Variants in KCNH2 observed in about 807,000 individuals in gnomAD.
KCNH2 encodes potassium voltage-gated channel subfamily H member 2.
KCNH2 carries 35 observed loss-of-function variants against 95.9 expected under a neutral mutation model. The ratio of observed to expected loss-of-function variants is 0.37; its 90% CI spans 0.28 to 0.48. The LOEUF is 0.48. KCNH2 is among the 20% of genes least tolerant of loss of function. The pLI is 0.99. For synonymous variants in KCNH2, 786 were observed against 754.7 expected (o/e 1.04, Z -0.68); for missense variants, 1,274 against 1,702.9 (o/e 0.75, Z 4.43).
intron 1 of KCNH2, among the ~76,000 whole-genome samples, chr7:150,976,735 C>T (rs542889918): frequency 6.6e-6 from 1 of 151,330 alleles, no homozygotes. Flanking sequence ...CCAGCACCCC[C>T]CCCCACATCC....
At position 150,971,948 on chromosome 7, in the gene KCNH2, G is replaced by A. The variant is rs897146035; in HGVS notation, c.307+2763C>T. Among the ~76,000 whole-genome samples the A allele has an allele frequency of 3.3e-5, 5 of 152,158 alleles. 1 individual carries two copies. In the East Asian group the frequency reaches 5.8e-4, roughly 18 times the overall value. On this transcript the variant is annotated intron_variant, in intron 2 of 14. Transcript: ENST00000262186. ...TGGACCCAGCCAGCACCTGCTGCCC[G>A]GGGTGCCTCCCCAGGGCCTTGCGGG...
At chr7:150,965,485 A>G (rs972828981) in intron 2 of KCNH2, among the ~76,000 whole-genome samples, 4 of 152,120 alleles carry the variant, frequency 2.6e-5, no homozygotes, top group African/African-American at 9.7e-5. Context: ...GGGCACGCTG[A>G]TGCCAGGAAG....
Position 150,958,409 on chromosome 7 carries a change from C to T in KCNH2, c.566G>A (p.Gly189Asp). ...GTCCACCACCACGGCCCCCGGGGCG[C>T]CCGCGCCGCCCGCGCCGCCCGACCG... ...SVRSGGAGGAGAPGAVVVDVD... is the reference protein window; with the variant it reads ...SVRSGGAGGADAPGAVVVDVD... The change falls in exon 4 of 15, where the codon GGC becomes GAC. Residue 189 changes from glycine (G) to aspartate (D), a missense_variant. This residue lies in a region of KCNH2 where 392 missense variants were observed against 429.9 expected (regional missense o/e 0.91). Coordinates refer to ENST00000262186, the MANE Select transcript of KCNH2 (RefSeq NM_000238.4). 7.0e-7 allele frequency: 1 copy of T among 1,429,838 alleles called. No homozygotes were observed. The highest frequency in any genetic ancestry group is 1.4e-5 in the South Asian group (1 of 69,604). 88.6% of individuals were successfully genotyped at this position (1,429,838 alleles called of 1,614,324 possible).
intron 6 of KCNH2, 137 bp from the exon 7 acceptor site, chr7:150,951,972 A>G: frequency 1.3e-6 from 1 of 779,814 alleles, no homozygotes; most frequent in Non-Finnish European, 2.0e-6. Context: ...TAAGAGGTGA[A>G]GCCCACACTG....
chr7:150,958,545 GC>G, intron 3 of KCNH2, 43 bp from the exon 4 acceptor site: 2 of 1,452,216 alleles, frequency 1.4e-6, no homozygotes, highest in South Asian at 1.3e-5. Flanking sequence ...ATCGCGAGCA[GC>G]CCCGGAGCGG....
chr7:150,970,169 G>A (rs944731557), intron 2 of KCNH2, among the ~76,000 whole-genome samples: 1 of 152,134 alleles, frequency 6.6e-6, no homozygotes, highest in African/African-American at 2.4e-5. Flanking sequence ...GAACGCTTCA[G>A]GGAAATACCA....
intron 2 of KCNH2, among the ~76,000 whole-genome samples, chr7:150,964,690 G>A (rs1038898596): frequency 6.6e-6 from 1 of 152,216 alleles, no homozygotes; most frequent in Non-Finnish European, 1.5e-5. Context: ...CCTCGCCCTA[G>A]TCGCCTCCCT....
intron 2 of KCNH2, among the ~76,000 whole-genome samples, 153 bp downstream of exon 2, chr7:150,974,554 CCCCG>C (rs1801921900): frequency 6.6e-6 from 1 of 152,164 alleles, no homozygotes; most frequent in Non-Finnish European, 1.5e-5. Context: ...ACCGCAGGGC[CCCCG>C]CCCGCGTCAC....
Position 150,945,631 on chromosome 7 carries a change from G to A in KCNH2, c.3331-117C>T. On this transcript the variant is annotated intron_variant, in intron 14 of 14. Coordinates refer to ENST00000262186, the MANE Select transcript of KCNH2 (RefSeq NM_000238.4). The surrounding 1 kb of genome is among the most constrained non-coding windows in gnomAD (Gnocchi z 5.6). ...GGACGGGAGGACAGGAGGGCCAAGA[G>A]GAGAGTCAGGTGGGCAGAGAAGCTG... 1 of 1,104,244 alleles carries A rather than the reference G, an allele frequency of 9.1e-7. No individual in the cohort carries two copies. Among genetic ancestry groups the A allele is most frequent in the Non-Finnish European group, 1.3e-6 (1 of 744,940 alleles). 68.4% of individuals were successfully genotyped at this position (1,104,244 alleles called of 1,614,324 possible).
At chr7:150,956,406 G>T (rs1315895941) in intron 5 of KCNH2, among the ~76,000 whole-genome samples, 2 of 152,210 alleles carry the variant, frequency 1.3e-5, no homozygotes, top group Admixed American at 6.5e-5. Flanking sequence ...CCAGGCAGCT[G>T]CTGTGGAAGG....
At chr7:150,964,155 G>C (rs1038160523) in intron 2 of KCNH2, among the ~76,000 whole-genome samples, 3 of 152,246 alleles carry the variant, frequency 2.0e-5, no homozygotes, top group African/African-American at 7.2e-5. Flanking sequence ...CAGGTGGGGA[G>C]GAAGAGGCTG....
Position 150,958,392 on chromosome 7 carries a change from C to G in KCNH2, c.583G>C (p.Val195Leu). ...GCGGGCGTCAGGTCCACGTCCACCACCACGGCCCCCGGGGCGCCCGCGCCG... is the reference window on the plus strand; with the variant it reads ...GCGGGCGTCAGGTCCACGTCCACCAGCACGGCCCCCGGGGCGCCCGCGCCG... ...AGGAGAPGAV[V>L]VDVDLTPAAP... The change falls in exon 4 of 15, where the codon GTG (valine) becomes CTG (leucine). Residue 195 changes from valine to leucine, a missense_variant. Val to Leu is a conservative substitution (Grantham distance 32). Coordinates refer to ENST00000262186, the MANE Select transcript of KCNH2 (RefSeq NM_000238.4). 6.8e-7 allele frequency: 1 copy of G among 1,464,764 alleles called. No individual in the cohort carries two copies. Among genetic ancestry groups the G allele is most frequent in the Non-Finnish European group, 9.0e-7 (1 of 1,114,732 alleles). The allele number at this position is 1,464,764 out of a possible 1,614,324, so 90.7% of individuals were successfully genotyped here.
At chr7:150,957,139 A>C in intron 5 of KCNH2, 152 bp downstream of exon 5, 1 of 703,954 alleles carries the variant, frequency 1.4e-6, no homozygotes, top group Non-Finnish European at 2.5e-6. Context: ...GCAGCTCTGG[A>C]ATAGATTGCC....
At position 150,947,415 on chromosome 7, in the gene KCNH2, A is replaced by C. The variant is rs1800942388; in HGVS notation, c.3065T>G (p.Leu1022Arg). ...LPRCPAPTPS[L>R]LNIPLSSPGR... is the part of the protein sequence containing the mutation. ...CGGGCTGGAGAGGGGGATGTTGAGGAGGCTGGGGGTGGGGGCGGGGCATCG... is the reference window on the plus strand; with the variant it reads ...CGGGCTGGAGAGGGGGATGTTGAGGCGGCTGGGGGTGGGGGCGGGGCATCG... The change falls in exon 13 of 15, where the codon CTC (leucine) becomes CGC (arginine). Residue 1022 changes from leucine (L) to arginine (R), a missense_variant. Physicochemically the swap from Leu to Arg is moderately radical, Grantham distance 102. Transcript: ENST00000262186. 3 of 1,502,328 alleles carry C rather than the reference A, an allele frequency of 2.0e-6. No individual in the cohort carries two copies. The East Asian group carries it at 8.2e-5, about 41-fold the overall frequency. The allele number at this position is 1,502,328 out of a possible 1,614,324, so 93.1% of individuals were successfully genotyped here.
In KCNH2 at chr7:150,952,854, C is replaced by T. The variant is rs794728478; in HGVS notation, c.1129-1G>A. 6.2e-7 allele frequency: 1 copy of T among 1,613,044 alleles called. No individual in the cohort carries two copies. The highest frequency in any genetic ancestry group is 8.5e-7 in the Non-Finnish European group (1 of 1,179,974). ...GCACGTCGGCGCCCAGGGACAGGAC[C>T]TGCACCCGGGGAAGGCGGAGGTGTG... On this transcript the variant is annotated splice_acceptor_variant, in intron 5 of 14. Transcript: ENST00000262186. LOFTEE classifies it high-confidence loss of function. The surrounding 1 kb of genome is among the most constrained non-coding windows in gnomAD (Gnocchi z 7.3).
chr7:150,966,689 CAT>C (rs1801715893), intron 2 of KCNH2, among the ~76,000 whole-genome samples: 1 of 152,078 alleles, frequency 6.6e-6, no homozygotes, highest in African/African-American at 2.4e-5. Context: ...AATTAGGAAA[CAT>C]AGTCAAAAAC....
In KCNH2 at chr7:150,948,424, C is replaced by A. The variant is rs775220886; in HGVS notation, c.2692+20G>T. ...TCACCTTGTCCCCGCCCTCCCCCTT[C>A]CTCCCCTCCCCCGCCTCACCCTTGT... On this transcript the variant is annotated intron_variant, in intron 11 of 14. Coordinates refer to ENST00000262186, the MANE Select transcript of KCNH2 (RefSeq NM_000238.4). The A allele has an allele frequency of 4.2e-5, 31 of 744,804 alleles. No homozygotes were observed. The highest frequency in any genetic ancestry group is 6.5e-5 in the Non-Finnish European group (30 of 460,048). The allele number at this position is 744,804 out of a possible 1,614,324, so 46.1% of individuals were successfully genotyped here.
rs1211744371 is a variant in KCNH2 at position 150,962,209 on chromosome 7, G to T, written c.308-2473C>A. ...ATATGGTGATGGCCGGCAGCGGCCT[G>T]AACAGGGATGCGCCTCACCAGGACT... On this transcript the variant is annotated intron_variant, in intron 2 of 14. Transcript: ENST00000262186. This position sits in a 1 kb window ranked among gnomAD's most constrained non-coding sequence, Gnocchi z 5.7. 6.6e-6 allele frequency among the ~76,000 whole-genome samples: 1 copy of T among 152,212 alleles called. No homozygotes were observed. Among genetic ancestry groups the T allele is most frequent in the Admixed American group, 6.5e-5 (1 of 15,280 alleles).
chr7:150,956,831 T>A (rs1177809996), intron 5 of KCNH2, among the ~76,000 whole-genome samples: 1 of 152,190 alleles, frequency 6.6e-6, no homozygotes, highest in Non-Finnish European at 1.5e-5. Context: ...CCTGGAAGAA[T>A]TAGGACCCTC....
Sources: allele counts gnomAD v4.1 joint callset (sites outside exome capture counted in the v4.1 genomes callset), GRCh38; gene constraint gnomAD v4.1.1; regional missense constraint gnomAD v4.1.1; non-coding constraint Gnocchi (gnomAD v3.1); transcripts MANE v1.5; gene names NCBI Gene and HGNC (gene_info 2026-07-23, HGNC 2026-07-21).